Variants in PTPRM observed in about 807,000 individuals in gnomAD.
PTPRM encodes protein tyrosine phosphatase receptor type M.
Under a neutral mutation model 186.7 loss-of-function variants are expected in PTPRM, and 47 were observed. The ratio of observed to expected loss-of-function variants is 0.25; its 90% CI spans 0.20 to 0.32. The LOEUF is 0.32. Among genes scored for constraint, PTPRM ranks in the 10% least tolerant of loss-of-function variants. PTPRM has a pLI of 1.00. For synonymous variants in PTPRM, 668 were observed against 674.9 expected (o/e 0.99, Z 0.16); for missense variants, 1,494 against 1,865.0 (o/e 0.80, Z 3.66).
At chr18:8,352,662 G>GT (rs71165783) in intron 23 of PTPRM, among the ~76,000 whole-genome samples, 3 of 93,032 alleles carry the variant, frequency 3.2e-5, no homozygotes, top group African/African-American at 7.6e-5. Flanking sequence ...GGTTTTTTTT[G>GT]TTTGTTTGTT....
intron 1 of PTPRM, among the ~76,000 whole-genome samples, chr18:7,744,100 A>T (rs2040937455): frequency 6.6e-6 from 1 of 152,178 alleles, no homozygotes; most frequent in African/African-American, 2.4e-5. Flanking sequence ...CTTCTTAGAG[A>T]GGTCTAGTGA....
At chr18:7,855,812 T>A (rs543943590) in intron 2 of PTPRM, among the ~76,000 whole-genome samples, 1 of 152,334 alleles carries the variant, frequency 6.6e-6, no homozygotes, top group Admixed American at 6.5e-5. Flanking sequence ...CATTTGTGTA[T>A]CTTTGTGAAC....
chr18:7,902,451 A>G (rs1198381040), intron 3 of PTPRM, among the ~76,000 whole-genome samples: 1 of 152,136 alleles, frequency 6.6e-6, no homozygotes, highest in Non-Finnish European at 1.5e-5. Flanking sequence ...AGCAGGCTGA[A>G]GCTCTGTGCT....
intron 11 of PTPRM, among the ~76,000 whole-genome samples, chr18:8,089,863 G>C (rs906116760): frequency 2.6e-5 from 4 of 152,072 alleles, no homozygotes; most frequent in African/African-American, 9.7e-5. Context: ...AATAGTATTA[G>C]TTTTTAGTGA....
rs909629960 is a variant in PTPRM at position 8,261,936 on chromosome 18, G to A, written c.2754+8522G>A. On this transcript the variant is annotated intron_variant, in intron 19 of 32. Transcript: ENST00000580170. ...TAGTGTCAGATGCCATTAGCCACAAGTGCCTTCTTGGAGGACCTGGCCCAG... is the reference window on the plus strand; with the variant it reads ...TAGTGTCAGATGCCATTAGCCACAAATGCCTTCTTGGAGGACCTGGCCCAG... 9.9e-5 allele frequency among the ~76,000 whole-genome samples: 15 copies of A among 152,278 alleles called. No homozygotes were observed. In the East Asian group the frequency reaches 2.1e-3, roughly 22 times the overall value.
intron 11 of PTPRM, among the ~76,000 whole-genome samples, chr18:8,111,612 C>CAA (rs113602878): frequency 0.42 from 60,961 of 146,684 alleles, 12,712 homozygotes; most frequent in Middle Eastern, 0.48. Context: ...GACTCCATCT[C>CAA]AAAAAAAAAA....
intron 1 of PTPRM, among the ~76,000 whole-genome samples, chr18:7,762,425 C>T (rs952976489): frequency 6.6e-6 from 1 of 151,780 alleles, no homozygotes; most frequent in Non-Finnish European, 1.5e-5. Flanking sequence ...TACAGATAGT[C>T]GGGAATTACT....
intron 2 of PTPRM, among the ~76,000 whole-genome samples, chr18:7,803,909 A>C (rs569184746): frequency 9.3e-4 from 142 of 152,240 alleles, no homozygotes; most frequent in African/African-American, 3.4e-3. Flanking sequence ...GAAAAAAAAG[A>C]ATGTCTGTAT....
chr18:8,399,086 C>A (rs767451749), intron 32 of PTPRM, among the ~76,000 whole-genome samples: 2 of 152,156 alleles, frequency 1.3e-5, no homozygotes, highest in Non-Finnish European at 2.9e-5. Context: ...TAGAATCAGG[C>A]AACATGTCAT....
chr18:7,954,826 A>G (rs547489162), intron 6 of PTPRM, among the ~76,000 whole-genome samples: 61 of 152,354 alleles, frequency 4.0e-4, no homozygotes, highest in African/African-American at 1.5e-3. Context: ...CATTACAAAA[A>G]GTATCAGATA....
intron 14 of PTPRM, among the ~76,000 whole-genome samples, chr18:8,210,982 G>A (rs1288593008): frequency 6.6e-6 from 1 of 152,224 alleles, no homozygotes; most frequent in African/African-American, 2.4e-5. Flanking sequence ...GGCACATTAT[G>A]TAAGGTGAGG....
chr18:7,570,274 A>G (rs2036535716), intron 1 of PTPRM, among the ~76,000 whole-genome samples: 3 of 152,188 alleles, frequency 2.0e-5, no homozygotes, highest in Admixed American at 2.0e-4. Context: ...ATGTTGAGGA[A>G]GTTAATTCTG....
chr18:7,889,684 A>G (rs1049836701), intron 3 of PTPRM, among the ~76,000 whole-genome samples: 5 of 152,138 alleles, frequency 3.3e-5, no homozygotes, highest in Non-Finnish European at 5.9e-5. Context: ...TGACGCAGAA[A>G]GGCATAGCAC....
At chr18:7,825,311 T>C (rs953396888) in intron 2 of PTPRM, among the ~76,000 whole-genome samples, 3 of 152,110 alleles carry the variant, frequency 2.0e-5, no homozygotes, top group African/African-American at 4.8e-5. Flanking sequence ...CTAGGTACCA[T>C]GCAGAGGACT....
chr18:8,405,535 CAT>C lies in PTPRM; in HGVS notation c.4345-573_4345-572del, dbSNP rs1279169145. ...CCTGAGCATAGGGACCATTCCACCTCATGTGTTGTCATTGGGTTACCTGTCTC... is the reference window on the plus strand; with the variant it reads ...CCTGAGCATAGGGACCATTCCACCTCGTGTTGTCATTGGGTTACCTGTCTC... On this transcript the variant is annotated intron_variant, in intron 32 of 32. Coordinates refer to ENST00000580170, the MANE Select transcript of PTPRM (RefSeq NM_001105244.2). Among the ~76,000 whole-genome samples, 6 of 152,350 alleles carry C rather than the reference CAT, an allele frequency of 3.9e-5. No individual in the cohort carries two copies. The Middle Eastern group carries it at 0.014, about 345-fold the overall frequency.
intron 2 of PTPRM, among the ~76,000 whole-genome samples, chr18:7,789,085 G>A (rs1436939206): frequency 6.6e-6 from 1 of 152,174 alleles, no homozygotes; most frequent in Non-Finnish European, 1.5e-5. Context: ...ATTTTGGAAA[G>A]CCAAGGCAGG....
chr18:8,133,130 T>C (rs1600743246), intron 13 of PTPRM, among the ~76,000 whole-genome samples: 1 of 152,250 alleles, frequency 6.6e-6, no homozygotes, highest in East Asian at 1.9e-4. Context: ...TCCACAATAA[T>C]GACATTAATC....
At chr18:7,934,736 C>T (rs553600538) in intron 5 of PTPRM, among the ~76,000 whole-genome samples, 9 of 152,192 alleles carry the variant, frequency 5.9e-5, no homozygotes, top group African/African-American at 2.2e-4. Flanking sequence ...ATAGAAGAAG[C>T]GGCTGAGGCT....
intron 22 of PTPRM, among the ~76,000 whole-genome samples, chr18:8,321,693 C>A (rs1421063429): frequency 6.6e-6 from 1 of 152,176 alleles, no homozygotes; most frequent in Non-Finnish European, 1.5e-5. Flanking sequence ...AGGTGGGCTG[C>A]AGATTGGACT....
Sources: gnomAD v4.1 joint callset for allele counts (sites outside exome capture counted in the v4.1 genomes callset) on GRCh38, gnomAD v4.1.1 for gene constraint, MANE v1.5 for transcripts, NCBI Gene and HGNC (gene_info 2026-07-23, HGNC 2026-07-21) for gene names.